FUT6: variants seen among roughly 807,000 people sequenced by gnomAD.
FUT6 encodes the protein fucosyltransferase 6.
For synonymous variants in FUT6, 187 were observed against 209.9 expected, an observed-to-expected ratio of 0.89 and a Z score of 0.94; for missense variants, 454 against 494.6, an observed-to-expected ratio of 0.92 and a Z score of 0.78.
chr19:5,837,024 A>G (rs903121305), intron 1 of FUT6, among the ~76,000 whole-genome samples: 2 of 151,972 alleles, frequency 1.3e-5, no homozygotes, highest in Non-Finnish European at 2.9e-5. Flanking sequence ...CTACTTCTTC[A>G]CCTGTACTTT....
Position 5,832,784 on chromosome 19 carries a change from T to C in FUT6, c.-12-205A>G, listed in dbSNP as rs1361440849. ...CCAGAGTCCACTTCCTCCCACCCAT[T>C]AGACAACAGGCCCTTTCTACATGGG... On this transcript the variant is annotated intron_variant, in intron 2 of 2. Coordinates refer to ENST00000318336, the MANE Select transcript of FUT6 (RefSeq NM_000150.4). This position sits in a 1 kb window ranked among gnomAD's most constrained non-coding sequence, Gnocchi z 4.3. 1 of 592,584 alleles carries C rather than the reference T, an allele frequency of 1.7e-6. No homozygotes were observed. Among genetic ancestry groups the C allele is most frequent in the Admixed American group, 3.0e-5 (1 of 33,658 alleles). 36.7% of individuals were successfully genotyped at this position (592,584 alleles called of 1,614,324 possible). A position where few individuals can be genotyped will look rare whatever the true frequency, so the allele number is the denominator to read the frequency against.
rs1476787237 is a variant in FUT6, at chr19:5,832,591, G to A, written c.-12-12C>T. ...ATGGGTCAGAGTATCTGGGAAGTGG[G>A]GAGAGAGGAGTGAGGGTCATTGATG... is the stretch of plus-strand genomic sequence containing the variant. On this transcript the variant is annotated splice_polypyrimidine_tract_variant and intron_variant, in intron 2 of 2. Transcript: ENST00000318336. This position sits in a 1 kb window ranked among gnomAD's most constrained non-coding sequence, Gnocchi z 4.3. The A allele has an allele frequency of 5.0e-6, 8 of 1,584,596 alleles. No homozygotes were observed. The highest frequency in any genetic ancestry group is 6.9e-6 in the Non-Finnish European group (8 of 1,153,978).
intron 1 of FUT6, chr19:5,837,915 GAGA>G (rs2057203180): frequency 6.6e-6 from 1 of 152,224 alleles, no homozygotes; most frequent in Admixed American, 6.5e-5. Flanking sequence ...AAAGACTCAA[GAGA>G]CAGCCCTCGA....
At position 5,832,148 on chromosome 19, in the gene FUT6, G is replaced by A; in HGVS notation, c.420C>T (p.Ser140=). 6.2e-7 allele frequency: 1 copy of A among 1,613,910 alleles called. No individual in the cohort carries two copies. Among genetic ancestry groups the A allele is most frequent in the Non-Finnish European group, 8.5e-7 (1 of 1,180,020 alleles). The change falls in exon 3 of 3, where the codon AGC becomes AGT. Residue 140 remains serine (S), a synonymous_variant. Transcript: ENST00000318336. The surrounding 1 kb of genome is among the most constrained non-coding windows in gnomAD (Gnocchi z 4.3). The part of the protein sequence containing the change: ...RWIWFSMESP[S]HCWQLKAMDG... ...CCATGGCTTTCAGCTGCCAGCAGTG[G>A]CTTGGGGACTCCATGCTGAACCAGA...
chr19:5,832,270 G>T lies in FUT6; in HGVS notation c.298C>A (p.Pro100Thr), dbSNP rs1160970301. ...TGCACGATGACCGCGTCTGCCTGTG[G>T]ATACACCTTGCGGTCGGCAGTGATG... is the stretch of plus-strand genomic sequence containing the variant. ...CNITADRKVY[P>T]QADAVIVHHR... The change falls in exon 3 of 3, where the codon CCA (proline) becomes ACA (threonine). Residue 100 changes from proline (P) to threonine (T), a missense_variant. Transcript: ENST00000318336. This position sits in a 1 kb window ranked among gnomAD's most constrained non-coding sequence, Gnocchi z 4.3. 1.2e-6 allele frequency: 2 copies of T among 1,613,864 alleles called. No homozygotes were observed. The highest frequency in any genetic ancestry group is 1.3e-5 in the African/African-American group (1 of 74,896).
chr19:5,836,994 A>G (rs892925061), intron 1 of FUT6, among the ~76,000 whole-genome samples: 3 of 152,180 alleles, frequency 2.0e-5, no homozygotes, highest in Non-Finnish European at 4.4e-5. Context: ...GTACCTTCAG[A>G]ACATCTTGGA....
intron 1 of FUT6, among the ~76,000 whole-genome samples, chr19:5,836,330 C>T (rs886071600): frequency 5.9e-5 from 9 of 152,102 alleles, no homozygotes; most frequent in South Asian, 4.1e-4. Flanking sequence ...ATTCTCTTGC[C>T]TCAGCCTCCT....
At position 5,839,254 on chromosome 19, in the gene FUT6, C is replaced by A. The variant is rs2057221402; in HGVS notation, c.-718G>T. ...GCAACTCATGAACCTTGGAAGGGAA[C>A]TTTCTTCAATTAAAATTGCAGCCTT... On this transcript the variant is annotated 5_prime_UTR_variant, in exon 1 of 3. Coordinates refer to ENST00000318336, the MANE Select transcript of FUT6 (RefSeq NM_000150.4). 2 of 152,158 alleles carry A rather than the reference C, an allele frequency of 1.3e-5. No individual in the cohort carries two copies. The highest frequency in any genetic ancestry group is 2.1e-4 in the South Asian group (1 of 4,834). The allele number at this position is 152,158 out of a possible 1,614,324, so 9.4% of individuals were successfully genotyped here.
chr19:5,832,573 A>G lies in FUT6; in HGVS notation c.-6T>C. The G allele has an allele frequency of 6.2e-7, 1 of 1,610,620 alleles. No individual in the cohort carries two copies. Among genetic ancestry groups the G allele is most frequent in the Non-Finnish European group, 8.5e-7 (1 of 1,177,438 alleles). Reference sequence around the variant, plus strand: ...GCCGGGCCCAGGGGATCCATGGGTCAGAGTATCTGGGAAGTGGGGAGAGAG... The same window carrying G: ...GCCGGGCCCAGGGGATCCATGGGTCGGAGTATCTGGGAAGTGGGGAGAGAG... On this transcript the variant is annotated 5_prime_UTR_variant, in exon 3 of 3. Coordinates refer to ENST00000318336, the MANE Select transcript of FUT6 (RefSeq NM_000150.4). The surrounding 1 kb of genome is among the most constrained non-coding windows in gnomAD (Gnocchi z 4.3).
Position 5,839,293 on chromosome 19 carries a change from G to C in FUT6, c.-757C>G, listed in dbSNP as rs1001202759. On this transcript the variant is annotated 5_prime_UTR_variant, in exon 1 of 3. Transcript: ENST00000318336. The stretch of plus-strand genomic sequence containing the variant: ...AATTGCAGCCTTTTGAATAAAAAAG[G>C]GATGGAAGGGCATTCCAGTTACAAG... 1 of 152,154 alleles carries C rather than the reference G, an allele frequency of 6.6e-6. No individual in the cohort carries two copies. Among genetic ancestry groups the C allele is most frequent in the Non-Finnish European group, 1.5e-5 (1 of 68,024 alleles). The allele number at this position is 152,154 out of a possible 1,614,324, so 9.4% of individuals were successfully genotyped here. A position where few individuals can be genotyped will look rare whatever the true frequency, so the allele number is the denominator to read the frequency against.
Position 5,830,599 on chromosome 19 carries a change from ATTTTTTTTTTTT to A in FUT6, c.*877_*888del, listed in dbSNP as rs59768885. The A allele has an allele frequency of 3.2e-5, 2 of 62,658 alleles. No individual in the cohort carries two copies. Among genetic ancestry groups the A allele is most frequent in the African/African-American group, 1.4e-4 (2 of 14,462 alleles). The allele number at this position is 62,658 out of a possible 1,614,324, so 3.9% of individuals were successfully genotyped here. ...AGGCACCGGCCACCGCACCCAGCTA[ATTTTTTTTTTTT>A]TTTTTTTTTTTTTTGAGACAGAGTC... On this transcript the variant is annotated 3_prime_UTR_variant, in exon 3 of 3. Coordinates refer to ENST00000318336, the MANE Select transcript of FUT6 (RefSeq NM_000150.4).
intron 1 of FUT6, among the ~76,000 whole-genome samples, chr19:5,837,722 C>T (rs1490905161): frequency 1.3e-5 from 2 of 151,982 alleles, no homozygotes; most frequent in East Asian, 1.9e-4. Context: ...GCCAAGGTCG[C>T]GCCACTGCAC....
Position 5,832,455 on chromosome 19 carries a change from T to G in FUT6, c.113A>C (p.Gln38Pro). Residue 38 changes from glutamine to proline, a missense_variant, in exon 3 of 3, where the codon CAA (glutamine) becomes CCA (proline). Transcript: ENST00000318336. The surrounding 1 kb of genome is among the most constrained non-coding windows in gnomAD (Gnocchi z 4.3). ...ATTAGGGTACACAGTGGGATCGTCT[T>G]GAGACACACGCAGATAGGAGAAGAA... The part of the protein sequence containing the change: ...VCFFSYLRVS[Q>P]DDPTVYPNGS... The G allele has an allele frequency of 6.2e-7, 1 of 1,613,856 alleles. No homozygotes were observed. Among genetic ancestry groups the G allele is most frequent in the Non-Finnish European group, 8.5e-7 (1 of 1,179,980 alleles).
chr19:5,833,879 C>G lies in FUT6; in HGVS notation c.-13+1071G>C, dbSNP rs550590456. Among the ~76,000 whole-genome samples the G allele has an allele frequency of 9.9e-5, 15 of 151,866 alleles. No individual in the cohort carries two copies. In the East Asian group the frequency reaches 2.7e-3, roughly 28 times the overall value. ...GGGTGCATTGGCTCACGACTGTATT[C>G]CCAGCACTTTGGAAGGCAGAGGAGG... On this transcript the variant is annotated intron_variant, in intron 2 of 2. Transcript: ENST00000318336.
rs1470084449 is a variant in FUT6 at position 5,830,432 on chromosome 19, C to T, written c.*1056G>A. Among the ~76,000 whole-genome samples the T allele has an allele frequency of 6.8e-6, 1 of 148,106 alleles. No homozygotes were observed. Among genetic ancestry groups the T allele is most frequent in the Non-Finnish European group, 1.5e-5 (1 of 66,788 alleles). On this transcript the variant is annotated 3_prime_UTR_variant, in exon 3 of 3. Transcript: ENST00000318336. ...ATTGCACACTCAGAAAGGGACACTC[C>T]CCCCTTTTTTTTTTTTTCTTGAGAC... is the stretch of plus-strand genomic sequence containing the variant.
chr19:5,831,444 C>T lies in FUT6; in HGVS notation c.*44G>A. 6.2e-7 allele frequency: 1 copy of T among 1,613,596 alleles called. No individual in the cohort carries two copies. The highest frequency in any genetic ancestry group is 8.5e-7 in the Non-Finnish European group (1 of 1,180,018). On this transcript the variant is annotated 3_prime_UTR_variant, in exon 3 of 3. Transcript: ENST00000318336. The surrounding 1 kb of genome is among the most constrained non-coding windows in gnomAD (Gnocchi z 7.0). ...TGAGGCCCCCACTCAGGTGAGGCCC[C>T]AGGAAAATGAGGTTCCTGGCAGCCC...
rs772963952 is a variant in FUT6 at position 5,832,020 on chromosome 19, A to G, written c.548T>C (p.Leu183Pro). Reference sequence around the variant, plus strand: ...CAGCTCGGTCTTGGCCGAGAGGTTGAGCGGTGGGTGGGCAGGCTGGCCGGA... The same window carrying G: ...CAGCTCGGTCTTGGCCGAGAGGTTGGGCGGTGGGTGGGCAGGCTGGCCGGA... ...PWSGQPAHPP[L>P]NLSAKTELVA... The change falls in exon 3 of 3, where the codon CTC becomes CCC. Residue 183 changes from leucine (L) to proline (P), a missense_variant. By Grantham distance (98) the Leu-to-Pro change is moderately conservative. Transcript: ENST00000318336. The surrounding 1 kb of genome is among the most constrained non-coding windows in gnomAD (Gnocchi z 4.3). 15 of 1,613,684 alleles carry G rather than the reference A, an allele frequency of 9.3e-6. No homozygotes were observed. The highest frequency in any genetic ancestry group is 1.2e-5 in the Non-Finnish European group (14 of 1,179,992).
At chr19:5,834,677 G>C (rs1444923029) in intron 2 of FUT6, 1 of 152,304 alleles carries the variant, frequency 6.6e-6, no homozygotes, top group Non-Finnish European at 1.5e-5. Context: ...ATGCGCGCCT[G>C]TATTCTCAGC....
Position 5,831,142 on chromosome 19 carries a change from G to A in FUT6, c.*346C>T. On this transcript the variant is annotated 3_prime_UTR_variant, in exon 3 of 3. Coordinates refer to ENST00000318336, the MANE Select transcript of FUT6 (RefSeq NM_000150.4). This position sits in a 1 kb window ranked among gnomAD's most constrained non-coding sequence, Gnocchi z 7.0. ...AGGTCTCTGGGAGCAGGTCCCAGCA[G>A]GTAAAGTCCCCAACAGCCGAGGTCC... 1.6e-6 allele frequency: 1 copy of A among 619,128 alleles called. No homozygotes were observed. The highest frequency in any genetic ancestry group is 2.9e-6 in the Non-Finnish European group (1 of 349,668). 38.4% of individuals were successfully genotyped at this position (619,128 alleles called of 1,614,324 possible).
Sources: allele counts gnomAD v4.1 joint callset (sites outside exome capture counted in the v4.1 genomes callset), GRCh38; gene constraint gnomAD v4.1.1; non-coding constraint Gnocchi (gnomAD v3.1); transcripts MANE v1.5; gene names NCBI Gene and HGNC (gene_info 2026-07-23, HGNC 2026-07-21).